Variants in TOP2B observed in about 807,000 individuals in gnomAD.
TOP2B encodes the protein DNA topoisomerase 2-beta.
A neutral mutation model predicts 193.5 loss-of-function variants in TOP2B; 51 were observed. The observed-to-expected ratio is 0.26, with a 90% CI of 0.21 to 0.33. The LOEUF is 0.33. Ranked by LOEUF, TOP2B falls within the 10% of genes least tolerant of loss-of-function variation. TOP2B has a pLI of 1.00. For missense variants in TOP2B, 1,378 were observed against 1,909.3 expected (o/e 0.72, Z 5.19); for synonymous variants, 634 against 635.7 (o/e 1.00, Z 0.04).
chr3:25,608,776 T>A (rs1005628068), intron 30 of TOP2B, among the ~76,000 whole-genome samples: 2 of 152,180 alleles, frequency 1.3e-5, no homozygotes, highest in African/African-American at 2.4e-5. Context: ...ACTATCATTA[T>A]CTAAAAGAGA....
intron 12 of TOP2B, 79 bp from the exon 13 acceptor site, chr3:25,630,233 G>C (rs1702917603): frequency 6.6e-7 from 1 of 1,518,850 alleles, no homozygotes; most frequent in Non-Finnish European, 8.8e-7. Context: ...AAAAATTCGA[G>C]AAGTTTAGTA....
chr3:25,599,442 G>A lies in TOP2B; in HGVS notation c.4703C>T (p.Thr1568Ile). Reference protein sequence around the residue: ...YNPGRKTSKTTSKKPKKTSFD... With the variant: ...YNPGRKTSKTISKKPKKTSFD... Reference sequence around the variant, plus strand: ...AATGATGTTCCCGGTTACCTTGCTTGTTGTTTTGGATGTTTTCCTGCCAGG... The same window carrying A: ...AATGATGTTCCCGGTTACCTTGCTTATTGTTTTGGATGTTTTCCTGCCAGG... Residue 1568 changes from threonine (T) to isoleucine (I), a missense_variant, in exon 35 of 36, where the codon ACA (threonine) becomes ATA (isoleucine). By Grantham distance (89) the Thr-to-Ile change is moderately conservative. Coordinates refer to ENST00000264331, the MANE Select transcript of TOP2B (RefSeq NM_001330700.2). 6.2e-7 allele frequency: 1 copy of A among 1,612,974 alleles called. No homozygotes were observed. The highest frequency in any genetic ancestry group is 8.5e-7 in the Non-Finnish European group (1 of 1,179,358).
At chr3:25,664,050 A>G (rs1704004007) in intron 1 of TOP2B, among the ~76,000 whole-genome samples, 179 bp downstream of exon 1, 1 of 152,168 alleles carries the variant, frequency 6.6e-6, no homozygotes, top group South Asian at 2.1e-4. Flanking sequence ...GTACAGAGAA[A>G]GAAAGAAAGA....
Position 25,598,448 on chromosome 3 carries a change from A to C in TOP2B, c.4740T>G (p.Asp1580Glu). Residue 1580 changes from aspartate (D) to glutamate (E), a missense_variant, in exon 36 of 36, where the codon GAT becomes GAG. Asp to Glu is a conservative substitution (Grantham distance 45, BLOSUM62 2). Transcript: ENST00000264331. ...CTGAGGGGAAGATGTCCACATCTGA[A>C]TCCTGATCAAAAGATGTCTTCTTCG... ...KKPKKTSFDQ[D>E]SDVDIFPSDF... 2 of 1,599,816 alleles carry C rather than the reference A, an allele frequency of 1.3e-6. No homozygotes were observed. Among genetic ancestry groups the C allele is most frequent in the East Asian group, 2.2e-5 (1 of 44,726 alleles).
intron 4 of TOP2B, among the ~76,000 whole-genome samples, chr3:25,639,243 A>C (rs896352549): frequency 2.6e-5 from 4 of 152,208 alleles, no homozygotes; most frequent in African/African-American, 9.6e-5. Context: ...TTAAAATTTC[A>C]ACTCTAAATA....
At position 25,609,615 on chromosome 3, in the gene TOP2B, A is replaced by G; in HGVS notation, c.3884T>C (p.Val1295Ala). 5 of 1,595,734 alleles carry G rather than the reference A, an allele frequency of 3.1e-6. No homozygotes were observed. Among genetic ancestry groups the G allele is most frequent in the Non-Finnish European group, 4.3e-6 (5 of 1,171,230 alleles). The change falls in exon 29 of 36, where the codon GTT (valine) becomes GCT (alanine). Residue 1295 changes from valine to alanine, a missense_variant. Physicochemically the swap from Val to Ala is moderately conservative, Grantham distance 64. Coordinates refer to ENST00000264331, the MANE Select transcript of TOP2B (RefSeq NM_001330700.2). ...AGGTTTGGGACCTTTATTTATAGGA[A>G]CTGATGGAGTCAATGCCTCTTCTCC... ...GAGEEALTPS[V>A]PINKGPKPKR... is the part of the protein sequence containing the mutation.
chr3:25,622,013 A>T (rs999050661), intron 21 of TOP2B, among the ~76,000 whole-genome samples: 2 of 152,036 alleles, frequency 1.3e-5, no homozygotes, highest in Admixed American at 1.3e-4. Flanking sequence ...AGAAAGAAAG[A>T]AATTGAGCAT....
Position 25,630,161 on chromosome 3 carries a change from A to C in TOP2B, c.1564-7T>G. ...TTTCAGCATTTTCCATGATCTGTTC[A>C]AAAAGGAAAAGCACTGAGAGTAGTT... On this transcript the variant is annotated splice_polypyrimidine_tract_variant and splice_region_variant and intron_variant, in intron 12 of 35. Transcript: ENST00000264331. 6.5e-7 allele frequency: 1 copy of C among 1,539,792 alleles called. No individual in the cohort carries two copies. Among genetic ancestry groups the C allele is most frequent in the African/African-American group, 1.4e-5 (1 of 71,976 alleles).
chr3:25,657,162 T>A (rs140114475), intron 1 of TOP2B, among the ~76,000 whole-genome samples: 1 of 152,230 alleles, frequency 6.6e-6, no homozygotes, highest in Non-Finnish European at 1.5e-5. Context: ...GAGACTTTTA[T>A]ATGTTTTTGT....
intron 35 of TOP2B, among the ~76,000 whole-genome samples, chr3:25,599,161 A>C (rs946886518): frequency 2.6e-5 from 4 of 152,212 alleles, no homozygotes; most frequent in African/African-American, 9.7e-5. Context: ...TTTAGTCTGA[A>C]AGAGTCTAAT....
intron 1 of TOP2B, 27 bp downstream of exon 1, chr3:25,664,202 C>T: frequency 2.6e-6 from 4 of 1,538,794 alleles, no homozygotes; most frequent in Non-Finnish European, 3.5e-6. Context: ...ACAATGCAGC[C>T]GCCCGTCCCG....
chr3:25,606,651 A>C (rs1402936123), intron 31 of TOP2B, among the ~76,000 whole-genome samples: 1 of 152,194 alleles, frequency 6.6e-6, no homozygotes, highest in Non-Finnish European at 1.5e-5. Context: ...TTAAAAAAAC[A>C]TCTAAAATAG....
intron 27 of TOP2B, among the ~76,000 whole-genome samples, chr3:25,614,652 G>T (rs577946858): frequency 6.6e-6 from 1 of 151,510 alleles, no homozygotes; most frequent in Admixed American, 6.6e-5. Context: ...GTAATAAATG[G>T]TATTTTACAT....
chr3:25,664,415 C>T lies in TOP2B; in HGVS notation c.-118G>A, dbSNP rs549398386. Reference sequence around the variant, plus strand: ...TCCACTCGCCGCACTCCTAGCCGCGCCGACCCCCGCGCCCCATCGCGAAGA... The same window carrying T: ...TCCACTCGCCGCACTCCTAGCCGCGTCGACCCCCGCGCCCCATCGCGAAGA... On this transcript the variant is annotated 5_prime_UTR_variant, in exon 1 of 36. Transcript: ENST00000264331. 9.1e-5 allele frequency: 117 copies of T among 1,287,466 alleles called. 1 individual carries two copies. In the South Asian group the frequency reaches 2.5e-3, roughly 28 times the overall value. The allele number at this position is 1,287,466 out of a possible 1,614,324, so 79.8% of individuals were successfully genotyped here. A position where few individuals can be genotyped will look rare whatever the true frequency, so the allele number is the denominator to read the frequency against.
intron 27 of TOP2B, among the ~76,000 whole-genome samples, chr3:25,613,008 A>C (rs1702416189): frequency 6.6e-6 from 1 of 152,240 alleles, no homozygotes; most frequent in African/African-American, 2.4e-5. Flanking sequence ...TTATGGAATC[A>C]AGACCTCTGA....
rs374915408 is a variant in TOP2B, at chr3:25,624,388, T to C, written c.2404A>G (p.Ile802Val). ...TGACCAATAGGCTGAAGCAAGTTAA[T>C]GTTGTTACTTCCCACAAAGTTCTGA... ...LAQNFVGSNN[I>V]NLLQPIGQFG... Residue 802 changes from isoleucine (I) to valine (V), a missense_variant, in exon 20 of 36, where the codon ATT becomes GTT. Around this residue, in one of 9 missense-constraint regions of TOP2B, gnomAD observed 379 missense variants for 615.1 expected, o/e 0.62. Transcript: ENST00000264331. The C allele has an allele frequency of 6.2e-7, 1 of 1,613,930 alleles. No homozygotes were observed. The highest frequency in any genetic ancestry group is 1.6e-4 in the Middle Eastern group (1 of 6,062).
At chr3:25,650,017 C>T (rs1249776438) in intron 1 of TOP2B, among the ~76,000 whole-genome samples, 1 of 152,108 alleles carries the variant, frequency 6.6e-6, no homozygotes, top group Non-Finnish European at 1.5e-5. Context: ...AGTCTTTTTA[C>T]ATTATCAACT....
intron 1 of TOP2B, among the ~76,000 whole-genome samples, chr3:25,661,495 T>C (rs371811107): frequency 2.6e-5 from 4 of 152,222 alleles, no homozygotes; most frequent in East Asian, 3.8e-4. Context: ...CAATCACTTA[T>C]GATACAAGAC....
At chr3:25,647,055 G>C (rs376946594) in intron 1 of TOP2B, among the ~76,000 whole-genome samples, 7 of 152,238 alleles carry the variant, frequency 4.6e-5, no homozygotes, top group African/African-American at 1.7e-4. Context: ...AAATAATTCT[G>C]TTTCACAAAG....
Sources: gnomAD v4.1 joint callset for allele counts (sites outside exome capture counted in the v4.1 genomes callset) on GRCh38, gnomAD v4.1.1 for gene constraint, gnomAD v4.1.1 regional missense constraint, MANE v1.5 for transcripts, NCBI Gene and HGNC (gene_info 2026-07-23, HGNC 2026-07-21) for gene names.